LILRA2: variants seen among roughly 807,000 people sequenced by gnomAD.
The protein encoded by LILRA2 is leukocyte immunoglobulin like receptor A2, also known as leukocyte immunoglobulin-like receptor subfamily A member 2.
LILRA2 carries 45 observed loss-of-function variants against 47.9 expected under a neutral mutation model. The ratio of observed to expected loss-of-function variants is 0.94; its 90% CI spans 0.74 to 1.20. The LOEUF is 1.20. LILRA2 is among the 50% of genes most tolerant of loss of function. The pLI, the probability that LILRA2 is intolerant of heterozygous loss-of-function variation, is 0.00. For missense variants in LILRA2, 651 were observed against 598.2 expected (o/e 1.09, Z -0.92); for synonymous variants, 279 against 249.2 (o/e 1.12, Z -1.13).
chr19:54,585,476 G>A (rs2146020984), intron 6 of LILRA2, among the ~76,000 whole-genome samples: 1 of 152,270 alleles, frequency 6.6e-6, no homozygotes, highest in Admixed American at 6.5e-5. Flanking sequence ...TTTACACTGT[G>A]AGCTACTCCA....
Position 54,586,149 on chromosome 19 carries a change from T to A in LILRA2, c.1256-861T>A, listed in dbSNP as rs73936598. Among the ~76,000 whole-genome samples, 1,062 of 151,804 alleles carry A rather than the reference T, an allele frequency of 7.0e-3. 16 individuals are homozygous for A. Among genetic ancestry groups the A allele is most frequent in the African/African-American group, 0.024 (994 of 41,564 alleles). ...GTATATAACTACATAATAAATACAT[T>A]TCTGAAGTTTTACATATATACACAG... On this transcript the variant is annotated intron_variant, in intron 6 of 7. Coordinates refer to ENST00000391738, the MANE Select transcript of LILRA2 (RefSeq NM_001130917.3).
chr19:54,574,624 C>T lies in LILRA2; in HGVS notation c.352+42C>T, dbSNP rs1205386529. On this transcript the variant is annotated intron_variant, in intron 3 of 7. Transcript: ENST00000391738. ...GAGTCCCAGCCCCAGGCTCTGCCCT[C>T]AGGAAGGGGGTCGGCTCTCAGGGGC... The T allele has an allele frequency of 1.9e-6, 3 of 1,608,276 alleles. No homozygotes were observed. In the African/African-American group the frequency reaches 4.0e-5, roughly 22 times the overall value.
At chr19:54,585,320 A>G (rs76532152) in intron 6 of LILRA2, among the ~76,000 whole-genome samples, 1,729 of 152,334 alleles carry the variant, frequency 0.011, 34 homozygotes, top group African/African-American at 0.039. Flanking sequence ...CTTCAGGGCT[A>G]TCAGACAGGG....
chr19:54,579,203 T>C (rs919393951), intron 6 of LILRA2, among the ~76,000 whole-genome samples: 3 of 152,140 alleles, frequency 2.0e-5, no homozygotes, highest in Non-Finnish European at 2.9e-5. Flanking sequence ...TCCTGAATGG[T>C]ATTGCCTAGG....
At chr19:54,579,641 T>A (rs2062582754) in intron 6 of LILRA2, among the ~76,000 whole-genome samples, 1 of 152,196 alleles carries the variant, frequency 6.6e-6, no homozygotes, top group South Asian at 2.1e-4. Flanking sequence ...TCCAATTATG[T>A]GAAGAAAGTC....
At position 54,574,338 on chromosome 19, in the gene LILRA2, C is replaced by A; in HGVS notation, c.108C>A (p.Gly36=). ...AGCCCACCCTCTGGGCTGAGCCAGG[C>A]TCTGTGATCATCCAGGGAAGTCCTG... is the stretch of plus-strand genomic sequence containing the variant. ...LPKPTLWAEP[G]SVIIQGSPVT... The change falls in exon 3 of 8, where the codon GGC becomes GGA. Residue 36 remains glycine (G), a synonymous_variant. Transcript: ENST00000391738. 1.9e-6 allele frequency: 3 copies of A among 1,614,250 alleles called. No individual in the cohort carries two copies. Among genetic ancestry groups the A allele is most frequent in the Non-Finnish European group, 2.5e-6 (3 of 1,180,032 alleles).
rs138385343 is a variant in LILRA2, at chr19:54,585,732, C to T, written c.1256-1278C>T. 1.1e-4 allele frequency among the ~76,000 whole-genome samples: 16 copies of T among 152,276 alleles called. No individual in the cohort carries two copies. The East Asian group carries it at 2.1e-3, about 20-fold the overall frequency. On this transcript the variant is annotated intron_variant, in intron 6 of 7. Coordinates refer to ENST00000391738, the MANE Select transcript of LILRA2 (RefSeq NM_001130917.3). ...CCTTGGCTAGGAAAGGGAAATCCTC[C>T]GACCCCTTGTGCTTCCCAGGTGAGG...
chr19:54,574,829 G>A lies in LILRA2; in HGVS notation c.451G>A (p.Gly151Ser), dbSNP rs73612414. 2.8e-3 allele frequency: 4,459 copies of A among 1,614,034 alleles called. 2 individuals are homozygous for A. The African/African-American group carries it at 0.051, about 18-fold the overall frequency. ...LQCVSQVAFDGFILCKEGEDE... is the reference protein window; with the variant it reads ...LQCVSQVAFDSFILCKEGEDE... Reference sequence around the variant, plus strand: ...GTGTGTCTCACAGGTGGCATTTGACGGCTTCATTCTGTGTAAGGAAGGAGA... The same window carrying A: ...GTGTGTCTCACAGGTGGCATTTGACAGCTTCATTCTGTGTAAGGAAGGAGA... The change falls in exon 4 of 8, where the codon GGC (glycine) becomes AGC (serine). Residue 151 changes from glycine (G) to serine (S), a missense_variant. Gly to Ser is a moderately conservative substitution (Grantham distance 56). Coordinates refer to ENST00000391738, the MANE Select transcript of LILRA2 (RefSeq NM_001130917.3).
At chr19:54,580,017 A>G (rs890695731) in intron 6 of LILRA2, among the ~76,000 whole-genome samples, 24 of 152,034 alleles carry the variant, frequency 1.6e-4, no homozygotes, top group Admixed American at 3.9e-4. Flanking sequence ...GGGCTGAGTC[A>G]ATGGGGTTTT....
At chr19:54,577,738 C>G in intron 6 of LILRA2, 1 of 1,217,002 alleles carries the variant, frequency 8.2e-7, no homozygotes, top group South Asian at 1.4e-5. Flanking sequence ...GTATTCACAG[C>G]ACGTCTTTCT....
rs956418802 is a variant in LILRA2, at chr19:54,574,538, A to G, written c.308A>G (p.Asn103Ser). Residue 103 changes from asparagine to serine, a missense_variant, in exon 3 of 8, where the codon AAT becomes AGT. By Grantham distance (46) the Asn-to-Ser change is conservative. Coordinates refer to ENST00000391738, the MANE Select transcript of LILRA2 (RefSeq NM_001130917.3). ...TATCACTGTCAGTACTACAGCCACA[A>G]TCACTCATCAGAGTACAGTGACCCC... ...GRYHCQYYSH[N>S]HSSEYSDPLE... 1 of 1,589,904 alleles carries G rather than the reference A, an allele frequency of 6.3e-7. No homozygotes were observed. The highest frequency in any genetic ancestry group is 1.1e-5 in the South Asian group (1 of 90,486).
At position 54,574,755 on chromosome 19, in the gene LILRA2, C is replaced by A; in HGVS notation, c.377C>A (p.Ser126Ter). Residue 126 changes from serine to a stop codon, truncating the protein, a stop_gained, in exon 4 of 8, where the codon TCA becomes TAA. Coordinates refer to ENST00000391738, the MANE Select transcript of LILRA2 (RefSeq NM_001130917.3). LOFTEE classifies it high-confidence loss of function. ...GGAGCCTACAGCAAACCCACCCTCT[C>A]AGCTCTGCCCAGCCCTGTGGTGACC... The part of the protein sequence containing the change: ...VTGAYSKPTL[S>*]ALPSPVVTSG... 1 of 1,614,254 alleles carries A rather than the reference C, an allele frequency of 6.2e-7. No homozygotes were observed. The highest frequency in any genetic ancestry group is 8.5e-7 in the Non-Finnish European group (1 of 1,180,036).
At chr19:54,577,731 T>G (rs1284655308) in intron 6 of LILRA2, 4 of 1,233,022 alleles carry the variant, frequency 3.2e-6, no homozygotes, top group Admixed American at 5.8e-5. Flanking sequence ...CAGGCAAGTA[T>G]TCACAGCACG....
chr19:54,576,302 A>G (rs1158041319), intron 6 of LILRA2, among the ~76,000 whole-genome samples, 193 bp downstream of exon 6: 2 of 83,970 alleles, frequency 2.4e-5, no homozygotes, highest in South Asian at 4.1e-4. Flanking sequence ...CTCAGTAAAG[A>G]GCATGAAGGG....
chr19:54,582,542 G>T (rs2062673827), intron 6 of LILRA2, among the ~76,000 whole-genome samples: 2 of 152,224 alleles, frequency 1.3e-5, no homozygotes, highest in South Asian at 4.1e-4. Flanking sequence ...ATTTCTTCTA[G>T]ATTTTCTAGT....
At chr19:54,577,844 A>C in intron 6 of LILRA2, 1 of 493,676 alleles carries the variant, frequency 2.0e-6, no homozygotes, top group Non-Finnish European at 2.8e-6. Flanking sequence ...ATATGAATTT[A>C]TAATATATGA....
intron 6 of LILRA2, among the ~76,000 whole-genome samples, chr19:54,586,240 A>G (rs1224451451): frequency 6.6e-6 from 1 of 152,200 alleles, no homozygotes; most frequent in African/African-American, 2.4e-5. Context: ...GTATTCATCC[A>G]TATGCTTCAC....
Position 54,578,391 on chromosome 19 carries a change from T to G in LILRA2, c.1255+2282T>G, listed in dbSNP as rs566831160. 3.3e-5 allele frequency among the ~76,000 whole-genome samples: 5 copies of G among 152,248 alleles called. No homozygotes were observed. In the East Asian group the frequency reaches 9.6e-4, roughly 29 times the overall value. The stretch of plus-strand genomic sequence containing the variant: ...GAACATGCGGTGTTTGGTTTTCTGT[T>G]CTTGTGACAGTTTGCTGAGTGATGG... On this transcript the variant is annotated intron_variant, in intron 6 of 7. Coordinates refer to ENST00000391738, the MANE Select transcript of LILRA2 (RefSeq NM_001130917.3).
At chr19:54,573,128 T>A (rs915337066), upstream of LILRA2, 54 of 242,942 alleles carry the variant, frequency 2.2e-4, 1 homozygote, top group South Asian at 2.8e-3. Context: ...GGACTAGAGA[T>A]GTGAGCTGCC....
Sources: gnomAD v4.1 joint callset for allele counts (sites outside exome capture counted in the v4.1 genomes callset) on GRCh38, gnomAD v4.1.1 for gene constraint, MANE v1.5 for transcripts, NCBI Gene and HGNC (gene_info 2026-07-23, HGNC 2026-07-21) for gene names.